The following MICAL2 variants were observed in gnomAD, a reference collection of about 807,000 sequenced individuals.
The protein encoded by MICAL2 is [F-actin]-monooxygenase MICAL2.
A neutral mutation model predicts 127.3 loss-of-function variants in MICAL2; 77 were observed. That is an observed-to-expected ratio of 0.60 (90% CI 0.50 to 0.73). MICAL2 has a LOEUF of 0.73. MICAL2 is among the 30% of genes least tolerant of loss of function. MICAL2 has a pLI of 0.00. For missense variants in MICAL2, 1,351 were observed against 1,434.4 expected (o/e 0.94, Z 0.94); for synonymous variants, 570 against 551.1 (o/e 1.03, Z -0.48).
chr11:12,331,684 T>C (rs1864429974), intron 32 of MICAL2, among the ~76,000 whole-genome samples: 1 of 152,186 alleles, frequency 6.6e-6, no homozygotes, highest in East Asian at 1.9e-4. Flanking sequence ...GTAGTCCTTA[T>C]ACAATTATTT....
In MICAL2 at chr11:12,231,619, C is replaced by T. The variant is rs142088392; in HGVS notation, c.1995+4488C>T. On this transcript the variant is annotated intron_variant, in intron 15 of 27. Transcript: ENST00000683283. ...AGCAGTGAACGAAACAAGCGAGGAC[C>T]CTGCGTAGGCAGCTTACCTTCTAGT... 5.9e-4 allele frequency among the ~76,000 whole-genome samples: 90 copies of T among 152,298 alleles called. 1 individual carries two copies. Among genetic ancestry groups the T allele is most frequent in the African/African-American group, 2.0e-3 (83 of 41,564 alleles).
chr11:12,225,093 C>T lies in MICAL2; in HGVS notation c.1688+273C>T, dbSNP rs574620520. Among the ~76,000 whole-genome samples, 17 of 147,020 alleles carry T rather than the reference C, an allele frequency of 1.2e-4. No individual in the cohort carries two copies. In the South Asian group the frequency reaches 4.1e-3, roughly 35 times the overall value. On this transcript the variant is annotated intron_variant, in intron 13 of 27. Transcript: ENST00000683283. ...ACTACCCTTCCCCCCCGAGCCCCATCACCACACTCTTTGGAATTTGAGCAT... is the reference window on the plus strand; with the variant it reads ...ACTACCCTTCCCCCCCGAGCCCCATTACCACACTCTTTGGAATTTGAGCAT...
At chr11:12,304,381 A>T (rs980336324) in intron 29 of MICAL2, among the ~76,000 whole-genome samples, 2 of 152,178 alleles carry the variant, frequency 1.3e-5, no homozygotes, top group African/African-American at 4.8e-5. Context: ...CTATAATCCC[A>T]GCACTTTGGG....
chr11:12,226,072 G>T (rs965966097), intron 13 of MICAL2, 99 bp from the exon 14 acceptor site: 13 of 1,148,812 alleles, frequency 1.1e-5, no homozygotes, highest in African/African-American at 3.0e-5. Context: ...ACACCTGGCA[G>T]AGTGTCACCC....
downstream of MICAL2, chr11:12,293,628 G>A (rs148792670): frequency 6.1e-3 from 9,842 of 1,613,914 alleles, 65 homozygotes; most frequent in Middle Eastern, 0.021. Context: ...CCAAACTTTC[G>A]GAGGCGAGCC....
chr11:12,303,387 AT>A (rs1201072942), intron 29 of MICAL2: 1 of 152,224 alleles, frequency 6.6e-6, no homozygotes, highest in African/African-American at 2.4e-5. Context: ...GAGGAACTGA[AT>A]TTTTAATTTT....
At chr11:12,343,297 A>G (rs1051517191) in intron 32 of MICAL2, among the ~76,000 whole-genome samples, 2 of 151,184 alleles carry the variant, frequency 1.3e-5, no homozygotes, top group Non-Finnish European at 2.9e-5. Context: ...AATCTCAGCT[A>G]CTCAGGAGGC....
At chr11:12,219,565 TGAGA>T (rs1856584232) in intron 8 of MICAL2, among the ~76,000 whole-genome samples, 1 of 145,988 alleles carries the variant, frequency 6.8e-6, no homozygotes, top group African/African-American at 2.5e-5. Context: ...AGCTACGCTG[TGAGA>T]GCCCTCGGCC....
downstream of MICAL2, chr11:12,358,562 C>A (rs1939164222): frequency 2.3e-6 from 3 of 1,332,522 alleles, no homozygotes; most frequent in Non-Finnish European, 2.1e-6. Flanking sequence ...GGTCTTTCTG[C>A]AGGATTTATC....
intron 2 of MICAL2, among the ~76,000 whole-genome samples, chr11:12,144,243 A>G (rs535792483): frequency 1.3e-4 from 20 of 152,288 alleles, no homozygotes; most frequent in African/African-American, 4.8e-4. Flanking sequence ...TTTAGTAAAC[A>G]TGTTTTTCAG....
At chr11:12,209,756 C>A (rs1320426348) in intron 6 of MICAL2, among the ~76,000 whole-genome samples, 158 bp downstream of exon 6, 1 of 152,134 alleles carries the variant, frequency 6.6e-6, no homozygotes, top group African/African-American at 2.4e-5. Flanking sequence ...GGTAGAACAG[C>A]CCATCCACCT....
In MICAL2 at chr11:12,261,228, C is replaced by T. The variant is rs557963790; in HGVS notation, c.3335-1252C>T. The T allele has an allele frequency of 4.8e-5, 47 of 985,528 alleles. No homozygotes were observed. The South Asian group carries it at 1.1e-3, about 23-fold the overall frequency. The allele number at this position is 985,528 out of a possible 1,614,324, so 61.0% of individuals were successfully genotyped here. A position where few individuals can be genotyped will look rare whatever the true frequency, so the allele number is the denominator to read the frequency against. On this transcript the variant is annotated intron_variant, in intron 26 of 27. Transcript: ENST00000683283. ...GGACATCCTGACTGCTTAGCTGCTC[C>T]GCTGCCACACATATGTGGTCAAAAC...
chr11:12,201,346 C>T (rs2134102831), intron 3 of MICAL2, among the ~76,000 whole-genome samples: 1 of 152,038 alleles, frequency 6.6e-6, no homozygotes, highest in East Asian at 1.9e-4. Context: ...TGGGACCCTG[C>T]AGGCCCAGCT....
rs749808201 is a variant in MICAL2 at position 12,256,871 on chromosome 11, G to T, written c.3042G>T (p.Arg1014=). 1 of 1,614,066 alleles carries T rather than the reference G, an allele frequency of 6.2e-7. No individual in the cohort carries two copies. Among genetic ancestry groups the T allele is most frequent in the East Asian group, 2.2e-5 (1 of 44,896 alleles). ...FCKKRVYVME[R]LSAEGHFFHR... ...AGAAACGTGTGTACGTGATGGAACG[G>T]CTGAGCGCCGAGGGCCACTTCTTCC... Residue 1014 remains arginine, a synonymous_variant, in exon 24 of 28, where the codon CGG becomes CGT. Transcript: ENST00000683283.
intron 2 of MICAL2, among the ~76,000 whole-genome samples, chr11:12,281,942 T>G (rs4756812): frequency 0.39 from 59,450 of 152,016 alleles, 12,500 homozygotes; most frequent in East Asian, 0.79. Flanking sequence ...GAAGAAACAG[T>G]CTAACCTGAC....
At chr11:12,297,236 T>C (rs1863996076), downstream of MICAL2, among the ~76,000 whole-genome samples, 1 of 152,182 alleles carries the variant, frequency 6.6e-6, no homozygotes, top group Admixed American at 6.5e-5. Flanking sequence ...TGGTGAAATA[T>C]AGATTTCGGA....
chr11:12,169,290 C>T (rs114546970), intron 3 of MICAL2, among the ~76,000 whole-genome samples: 2,227 of 152,182 alleles, frequency 0.015, 34 homozygotes, highest in African/African-American at 0.033. Flanking sequence ...TTTGAGATTG[C>T]TTTATCTCAG....
rs1028159189 is a variant in MICAL2 at position 12,224,698 on chromosome 11, C to G, written c.1566C>G (p.Leu522=). The change falls in exon 13 of 28, where the codon CTC becomes CTG. Residue 522 remains leucine, a synonymous_variant. Transcript: ENST00000683283. ...AGTCAGATATCCGGCCCAGCAAGCT[C>G]CTGACCTGGTGCCAGCAGCAGACAG... The part of the protein sequence containing the change: ...RKESDIRPSK[L]LTWCQQQTEG... 6.2e-7 allele frequency: 1 copy of G among 1,614,214 alleles called. No individual in the cohort carries two copies. Among genetic ancestry groups the G allele is most frequent in the Admixed American group, 1.7e-5 (1 of 60,032 alleles).
chr11:12,258,323 G>C, intron 24 of MICAL2, 145 bp from the exon 25 acceptor site: 1 of 642,434 alleles, frequency 1.6e-6, no homozygotes, highest in Middle Eastern at 2.6e-4. Flanking sequence ...GGTGACAGAA[G>C]CCGTTTCCCA....
Sources: gnomAD v4.1 joint callset for allele counts (sites outside exome capture counted in the v4.1 genomes callset) on GRCh38, gnomAD v4.1.1 for gene constraint, MANE v1.5 for transcripts, NCBI Gene and HGNC (gene_info 2026-07-23, HGNC 2026-07-21) for gene names.